Variants in STK3 observed in about 807,000 individuals in gnomAD.
STK3 encodes serine/threonine kinase 3.
A neutral mutation model predicts 58.0 loss-of-function variants in STK3; 41 were observed. That is an observed-to-expected ratio of 0.71 (90% CI 0.55 to 0.92). The LOEUF is 0.92. STK3 is among the 40% of genes least tolerant of loss of function. STK3 has a pLI of 0.00. For synonymous variants in STK3, 170 were observed against 191.0 expected, an observed-to-expected ratio of 0.89 and a Z score of 0.91; for missense variants, 479 against 602.7, an observed-to-expected ratio of 0.79 and a Z score of 2.15.
At chr8:98,840,302 G>A (rs895515329) in intron 3 of STK3, among the ~76,000 whole-genome samples, 12 of 141,210 alleles carry the variant, frequency 8.5e-5, no homozygotes, top group African/African-American at 2.9e-4. Context: ...AGCCAAGAAC[G>A]CACCACTCCA....
chr8:98,376,507 T>C (rs534286590), intron 2 of STK3, among the ~76,000 whole-genome samples: 3 of 142,602 alleles, frequency 2.1e-5, no homozygotes, highest in Admixed American at 1.4e-4. Flanking sequence ...CAAGGTCGCA[T>C]AGATTTTTTC....
At chr8:98,697,126 T>C (rs1456358380) in intron 6 of STK3, among the ~76,000 whole-genome samples, 1 of 152,242 alleles carries the variant, frequency 6.6e-6, no homozygotes, top group African/African-American at 2.4e-5. Context: ...TTCTTCTAGA[T>C]TTTCTAGTTT....
chr8:98,513,750 G>C (rs1055706970), intron 10 of STK3, among the ~76,000 whole-genome samples: 4 of 152,134 alleles, frequency 2.6e-5, no homozygotes, highest in African/African-American at 9.7e-5. Flanking sequence ...TGAGACCCTA[G>C]AAAAAGAACA....
intron 8 of STK3, among the ~76,000 whole-genome samples, chr8:98,557,229 G>A (rs1243971268): frequency 1.3e-5 from 2 of 151,980 alleles, no homozygotes; most frequent in Admixed American, 6.6e-5. Context: ...AACCTAGGTC[G>A]ATAAATATAT....
At chr8:98,696,314 T>C (rs1417781839) in intron 6 of STK3, among the ~76,000 whole-genome samples, 1 of 152,016 alleles carries the variant, frequency 6.6e-6, no homozygotes, top group African/African-American at 2.4e-5. Context: ...AGGGACAATT[T>C]GACTTCCTCT....
At chr8:98,923,854 T>TGCGCGCGC (rs3029998) in intron 1 of STK3, among the ~76,000 whole-genome samples, 14 of 113,620 alleles carry the variant, frequency 1.2e-4, no homozygotes, top group East Asian at 2.3e-4. Context: ...TGTGTGTGTG[T>TGCGCGCGC]GCGCGCGCGC....
intron 6 of STK3, among the ~76,000 whole-genome samples, chr8:98,601,842 C>T (rs1200880284): frequency 1.3e-5 from 2 of 152,242 alleles, no homozygotes; most frequent in African/African-American, 2.4e-5. Context: ...AGGGAAATTA[C>T]GAGGTGAGCC....
intron 1 of STK3, among the ~76,000 whole-genome samples, chr8:98,901,686 G>C (rs1333852318): frequency 6.6e-6 from 1 of 152,230 alleles, no homozygotes; most frequent in Admixed American, 6.5e-5. Flanking sequence ...TTCCACACTG[G>C]CTCCCTTGGG....
intron 3 of STK3, among the ~76,000 whole-genome samples, chr8:98,764,713 A>G (rs1041424307): frequency 6.6e-6 from 1 of 152,248 alleles, no homozygotes; most frequent in Non-Finnish European, 1.5e-5. Context: ...GTATCTGAGT[A>G]ACCATTATGT....
chr8:98,853,218 AT>A lies in STK3; in HGVS notation c.110+30428del, dbSNP rs1280400610. On this transcript the variant is annotated intron_variant, in intron 3 of 12. Coordinates refer to the STK3 transcript ENST00000523601. ...TTTTTAGGGCTCTCACATTATTTCAATTATCACTAATTGAAATACCTAATTA... is the reference window on the plus strand; with the variant it reads ...TTTTTAGGGCTCTCACATTATTTCAATATCACTAATTGAAATACCTAATTA... Among the ~76,000 whole-genome samples the A allele has an allele frequency of 2.6e-5, 4 of 152,230 alleles. No homozygotes were observed. The South Asian group carries it at 6.2e-4, about 24-fold the overall frequency.
intron 2 of STK3, among the ~76,000 whole-genome samples, chr8:98,375,268 A>G (rs1486188590): frequency 2.5e-5 from 2 of 80,128 alleles, no homozygotes; most frequent in African/African-American, 9.7e-5. Flanking sequence ...AACAAAAAAA[A>G]AACAAAAAAA....
intron 3 of STK3, among the ~76,000 whole-genome samples, chr8:98,762,995 T>A (rs1321111750): frequency 6.6e-6 from 1 of 152,212 alleles, no homozygotes; most frequent in Admixed American, 6.5e-5. Context: ...ATTTTCTGTA[T>A]CTGCAAAATT....
At chr8:98,880,564 T>G (rs1837755886), downstream of STK3, 1 of 151,900 alleles carries the variant, frequency 6.6e-6, no homozygotes, top group South Asian at 2.1e-4. Context: ...TGAGAAAGAA[T>G]AAGAACCAAG....
chr8:98,463,667 T>C (rs538238027), intron 10 of STK3, among the ~76,000 whole-genome samples: 33 of 152,226 alleles, frequency 2.2e-4, no homozygotes, highest in African/African-American at 7.2e-4. Context: ...ACCTAAAATA[T>C]CACAGTCAAG....
intron 1 of STK3, among the ~76,000 whole-genome samples, chr8:98,384,121 T>C (rs1233913004): frequency 2.0e-5 from 3 of 152,238 alleles, no homozygotes; most frequent in Non-Finnish European, 4.4e-5. Flanking sequence ...TTAGGCACCA[T>C]ACAGGCCACA....
chr8:98,538,967 T>C (rs1810005642), intron 9 of STK3, among the ~76,000 whole-genome samples: 2 of 152,168 alleles, frequency 1.3e-5, no homozygotes, highest in Admixed American at 6.5e-5. Flanking sequence ...TGATGGGTAT[T>C]TGCACCCAGC....
intron 6 of STK3, among the ~76,000 whole-genome samples, chr8:98,620,762 C>G (rs990747967): frequency 6.6e-6 from 1 of 151,764 alleles, no homozygotes; most frequent in Non-Finnish European, 1.5e-5. Flanking sequence ...TTAAAAAACA[C>G]ACACACAAGA....
downstream of STK3, among the ~76,000 whole-genome samples, chr8:98,396,425 A>G (rs1311784526): frequency 6.6e-6 from 1 of 152,204 alleles, no homozygotes; most frequent in African/African-American, 2.4e-5. Flanking sequence ...TTGAAAGAAG[A>G]AAGAAGGTTG....
At chr8:98,598,606 A>T (rs1033370003) in intron 6 of STK3, 7 of 985,280 alleles carry the variant, frequency 7.1e-6, no homozygotes, top group Middle Eastern at 5.2e-4. Flanking sequence ...TCTAGGTTTT[A>T]TATGAGTTGA....
Sources: gnomAD v4.1 joint callset for allele counts (sites outside exome capture counted in the v4.1 genomes callset) on GRCh38, gnomAD v4.1.1 for gene constraint, MANE v1.5 for transcripts, NCBI Gene and HGNC (gene_info 2026-07-23, HGNC 2026-07-21) for gene names.